Variants in KCNT2 observed in about 807,000 individuals in gnomAD.
KCNT2 encodes the protein potassium channel subfamily T member 2.
Under a neutral mutation model 153.8 loss-of-function variants are expected in KCNT2, and 67 were observed. The ratio of observed to expected loss-of-function variants is 0.44; its 90% CI spans 0.36 to 0.53. KCNT2 has a LOEUF of 0.53. Ranked by LOEUF, KCNT2 falls within the 20% of genes least tolerant of loss-of-function variation. KCNT2 has a pLI of 0.00. For synonymous variants in KCNT2, 500 were observed against 458.8 expected, an observed-to-expected ratio of 1.09 and a Z score of -1.15; for missense variants, 975 against 1,354.8, an observed-to-expected ratio of 0.72 and a Z score of 4.40.
At chr1:196,522,535 C>T (rs1276995021) in intron 1 of KCNT2, among the ~76,000 whole-genome samples, 1 of 152,166 alleles carries the variant, frequency 6.6e-6, no homozygotes, top group African/African-American at 2.4e-5. Context: ...TGACTTCATA[C>T]TCCTTAGTTT....
chr1:196,588,801 G>A (rs1214054807), intron 1 of KCNT2, among the ~76,000 whole-genome samples: 9 of 151,794 alleles, frequency 5.9e-5, no homozygotes, highest in East Asian at 3.9e-4. Context: ...GTATAGGAAC[G>A]AAATCTTATT....
At chr1:196,405,018 C>T (rs1671715269) in intron 12 of KCNT2, among the ~76,000 whole-genome samples, 1 of 151,290 alleles carries the variant, frequency 6.6e-6, no homozygotes, top group African/African-American at 2.4e-5. Flanking sequence ...CAAAACAGAA[C>T]AAACATCAGT....
intron 1 of KCNT2, among the ~76,000 whole-genome samples, chr1:196,545,548 T>C (rs1345192037): frequency 6.6e-6 from 1 of 151,980 alleles, no homozygotes; most frequent in Non-Finnish European, 1.5e-5. Flanking sequence ...CTTTAATAGA[T>C]TTTTTGCCGT....
intron 17 of KCNT2, 23 bp downstream of exon 17, chr1:196,333,824 C>A (rs766864407): frequency 8.4e-6 from 12 of 1,428,270 alleles, no homozygotes; most frequent in Non-Finnish European, 9.9e-6. Context: ...AGTAATCTTA[C>A]ACCTTAGAGT....
chr1:196,351,999 G>C (rs1243123114), intron 14 of KCNT2, among the ~76,000 whole-genome samples: 2 of 152,020 alleles, frequency 1.3e-5, no homozygotes, highest in African/African-American at 4.8e-5. Context: ...TTATATGCTG[G>C]ATTACATTTA....
At position 196,482,346 on chromosome 1, in the gene KCNT2, A is replaced by T. The variant is rs1385755240; in HGVS notation, c.309T>A (p.Pro103=). The change falls in exon 4 of 28, where the codon CCT becomes CCA. Residue 103 remains proline (P), a synonymous_variant. Coordinates refer to ENST00000294725, the MANE Select transcript of KCNT2 (RefSeq NM_198503.5). ...SHIFWVNRSL[P]LWGLQVSVAL... ...TGTACATAACCTGTAAGCCCCACAAAGGTAGACTTCTGTTCACCCAAAAGA... is the reference window on the plus strand; with the variant it reads ...TGTACATAACCTGTAAGCCCCACAATGGTAGACTTCTGTTCACCCAAAAGA... 1 of 1,578,258 alleles carries T rather than the reference A, an allele frequency of 6.3e-7. No individual in the cohort carries two copies. The highest frequency in any genetic ancestry group is 8.6e-7 in the Non-Finnish European group (1 of 1,162,222).
chr1:196,441,014 G>C (rs1008198037), intron 8 of KCNT2, among the ~76,000 whole-genome samples: 1 of 151,752 alleles, frequency 6.6e-6, no homozygotes, highest in Non-Finnish European at 1.5e-5. Flanking sequence ...TCAGAAAGAA[G>C]CTGGGAGAAG....
At chr1:196,464,699 G>A (rs1324393397) in intron 8 of KCNT2, among the ~76,000 whole-genome samples, 1 of 151,882 alleles carries the variant, frequency 6.6e-6, no homozygotes, top group Non-Finnish European at 1.5e-5. Flanking sequence ...TATGTCCGGT[G>A]TCATATTTCA....
intron 1 of KCNT2, among the ~76,000 whole-genome samples, chr1:196,545,288 TAAAAA>T (rs1385616160): frequency 1.3e-5 from 2 of 152,026 alleles, no homozygotes; most frequent in Non-Finnish European, 1.5e-5. Flanking sequence ...ATTATAAAAT[TAAAAA>T]GAGAATAAGG....
At chr1:196,350,679 T>C (rs879685529) in intron 14 of KCNT2, among the ~76,000 whole-genome samples, 3 of 152,200 alleles carry the variant, frequency 2.0e-5, no homozygotes, top group Non-Finnish European at 4.4e-5. Flanking sequence ...TGGTAATTTC[T>C]TTTGCTGTGC....
At chr1:196,478,412 C>T (rs114127828) in intron 5 of KCNT2, among the ~76,000 whole-genome samples, 174 of 152,288 alleles carry the variant, frequency 1.1e-3, no homozygotes, top group Middle Eastern at 6.8e-3. Context: ...ATATATGCTG[C>T]TATACAATGC....
Position 196,429,721 on chromosome 1 carries a change from C to A in KCNT2, c.675G>T (p.Lys225Asn). 1.2e-6 allele frequency: 2 copies of A among 1,608,772 alleles called. No individual in the cohort carries two copies. Among genetic ancestry groups the A allele is most frequent in the Non-Finnish European group, 1.7e-6 (2 of 1,178,130 alleles). ...CGIQHLERIG[K>N]KLNLFDSLYF... The stretch of plus-strand genomic sequence containing the variant: ...AAAGGGAGTCAAAGAGATTCAGCTT[C>A]TTTCCTATTCGTTCCAGATGTTGGA... Residue 225 changes from lysine (K) to asparagine (N), a missense_variant, in exon 9 of 28, where the codon AAG (lysine) becomes AAT (asparagine). Physicochemically the swap from Lys to Asn is moderately conservative, Grantham distance 94 (BLOSUM62 0). Coordinates refer to ENST00000294725, the MANE Select transcript of KCNT2 (RefSeq NM_198503.5).
intron 20 of KCNT2, 135 bp downstream of exon 20, chr1:196,319,349 A>G (rs1308328472): frequency 2.1e-6 from 1 of 480,582 alleles, no homozygotes; most frequent in South Asian, 4.7e-5. Flanking sequence ...CGAGAACATA[A>G]GCTCTACATG....
At chr1:196,600,421 C>G (rs1664593357) in intron 1 of KCNT2, among the ~76,000 whole-genome samples, 1 of 152,168 alleles carries the variant, frequency 6.6e-6, no homozygotes, top group African/African-American at 2.4e-5. Flanking sequence ...CCTAAGAGCA[C>G]AAAGTTTTTG....
intron 1 of KCNT2, among the ~76,000 whole-genome samples, chr1:196,522,056 T>G (rs1053116643): frequency 6.6e-6 from 1 of 152,234 alleles, no homozygotes; most frequent in Non-Finnish European, 1.5e-5. Context: ...CTTGTAGTTT[T>G]GTCTAACAAT....
intron 8 of KCNT2, among the ~76,000 whole-genome samples, chr1:196,452,693 T>C (rs1257029532): frequency 1.4e-5 from 2 of 147,094 alleles, no homozygotes; most frequent in Non-Finnish European, 3.0e-5. Flanking sequence ...GGATTCTCCA[T>C]AGAAATAGAA....
chr1:196,270,989 A>G (rs758335783), intron 25 of KCNT2, among the ~76,000 whole-genome samples: 32 of 151,702 alleles, frequency 2.1e-4, no homozygotes, highest in Admixed American at 1.3e-3. Flanking sequence ...TAATGTGAGT[A>G]CAGCACCTCC....
rs569051353 is a variant in KCNT2, at chr1:196,324,019, T to C, written c.2276+2698A>G. ...TTCCTGGACATTGTTAATTGGTGTT[T>C]AGTTTTAGTTTCCTCATTCTTAACC... On this transcript the variant is annotated intron_variant, in intron 19 of 27. Coordinates refer to ENST00000294725, the MANE Select transcript of KCNT2 (RefSeq NM_198503.5). Among the ~76,000 whole-genome samples, 6 of 151,452 alleles carry C rather than the reference T, an allele frequency of 4.0e-5. No individual in the cohort carries two copies. In the East Asian group the frequency reaches 9.7e-4, roughly 24 times the overall value.
chr1:196,588,883 G>A (rs1294988046), intron 1 of KCNT2, among the ~76,000 whole-genome samples: 2 of 151,794 alleles, frequency 1.3e-5, no homozygotes, highest in Admixed American at 1.3e-4. Context: ...TTCCTCAACA[G>A]GGTAATTTCA....
Sources: gnomAD v4.1 joint callset for allele counts (sites outside exome capture counted in the v4.1 genomes callset) on GRCh38, gnomAD v4.1.1 for gene constraint, MANE v1.5 for transcripts, NCBI Gene and HGNC (gene_info 2026-07-23, HGNC 2026-07-21) for gene names.